SLC7A13: variants seen among roughly 807,000 people sequenced by gnomAD.
SLC7A13 encodes the protein X-amino acid transporter 2.
In SLC7A13, 31 loss-of-function variants were observed where a neutral mutation model predicts 32.0. The ratio of observed to expected loss-of-function variants is 0.97; its 90% CI spans 0.73 to 1.31. SLC7A13 has a LOEUF of 1.31. Among genes scored for constraint, SLC7A13 ranks in the 50% most tolerant of loss-of-function variants. The pLI is 0.00. For synonymous variants in SLC7A13, 232 were observed against 206.9 expected, an observed-to-expected ratio of 1.12 and a Z score of -1.04; for missense variants, 633 against 546.9, an observed-to-expected ratio of 1.16 and a Z score of -1.57.
chr8:86,217,811 C>A lies in SLC7A13; in HGVS notation c.838G>T (p.Ala280Ser), dbSNP rs1820217395. 1 of 1,575,290 alleles carries A rather than the reference C, an allele frequency of 6.3e-7. No individual in the cohort carries two copies. The highest frequency in any genetic ancestry group is 1.9e-5 in the Admixed American group (1 of 51,428). The change falls in exon 3 of 4, where the codon GCT (alanine) becomes TCT (serine). Residue 280 changes from alanine (A) to serine (S), a missense_variant. Coordinates refer to ENST00000297524, the MANE Select transcript of SLC7A13 (RefSeq NM_138817.3). Reference sequence around the variant, plus strand: ...GCTAATGAGGGAAAAGCTCGATCAGCCCATGTGATAGCTACAGCATCTGCA... The same window carrying A: ...GCTAATGAGGGAAAAGCTCGATCAGACCATGTGATAGCTACAGCATCTGCA... ...LSSDAVAITW[A>S]DRAFPSLAWI...
rs774895532 is a variant in SLC7A13 at position 86,217,578 on chromosome 8, A to G, written c.1071T>C (p.Ile357=). The G allele has an allele frequency of 5.0e-6, 8 of 1,613,320 alleles. No homozygotes were observed. In the South Asian group the frequency reaches 7.7e-5, roughly 16 times the overall value. Reference sequence around the variant, plus strand: ...TGAAAAAAATATAGTTTATCAAATCAATTAGACTTGTTAAGATAATTGCAA... The same window carrying G: ...TGAAAAAAATATAGTTTATCAAATCGATTAGACTTGTTAAGATAATTGCAA... The part of the protein sequence containing the change: ...GSLAIILTSL[I]DLINYIFFTG... Residue 357 remains isoleucine (I), a synonymous_variant, in exon 3 of 4, where the codon ATT becomes ATC. Transcript: ENST00000297524.
chr8:86,228,372 G>T lies in SLC7A13; in HGVS notation c.685+1221C>A, dbSNP rs115781866. 1.1e-3 allele frequency among the ~76,000 whole-genome samples: 162 copies of T among 152,196 alleles called. 1 individual carries two copies. Among genetic ancestry groups the T allele is most frequent in the African/African-American group, 3.7e-3 (153 of 41,522 alleles). On this transcript the variant is annotated intron_variant, in intron 1 of 3. Transcript: ENST00000297524. ...CTTCGCATTGTTGGCTAATTTATTA[G>T]TTATTTATTTTTCTTGTTTTGAGAC...
At chr8:86,226,501 C>T (rs1820390502) in intron 1 of SLC7A13, among the ~76,000 whole-genome samples, 1 of 152,160 alleles carries the variant, frequency 6.6e-6, no homozygotes, top group South Asian at 2.1e-4. Flanking sequence ...TTATTCCCCA[C>T]TTTTTGAAAC....
At chr8:86,225,912 T>C (rs1054686641) in intron 1 of SLC7A13, among the ~76,000 whole-genome samples, 3 of 152,054 alleles carry the variant, frequency 2.0e-5, no homozygotes, top group Non-Finnish European at 4.4e-5. Flanking sequence ...GCCTGGGTGA[T>C]AAAAAATAGA....
intron 3 of SLC7A13, among the ~76,000 whole-genome samples, chr8:86,217,183 G>T (rs1820197556): frequency 6.6e-6 from 1 of 152,088 alleles, no homozygotes; most frequent in Admixed American, 6.6e-5. Context: ...AGTTACATAA[G>T]TAGACAAAAT....
At chr8:86,216,464 A>G (rs1014639663) in intron 3 of SLC7A13, among the ~76,000 whole-genome samples, 1 of 152,200 alleles carries the variant, frequency 6.6e-6, no homozygotes, top group Admixed American at 6.5e-5. Flanking sequence ...TTTTCTACTG[A>G]AAGTACCTAG....
chr8:86,229,027 T>G (rs1820438991), intron 1 of SLC7A13, among the ~76,000 whole-genome samples: 1 of 152,138 alleles, frequency 6.6e-6, no homozygotes, highest in African/African-American at 2.4e-5. Context: ...GGGTGACTGC[T>G]TTTATAATGC....
intron 2 of SLC7A13, among the ~76,000 whole-genome samples, chr8:86,222,675 T>G (rs949255175): frequency 1.3e-5 from 2 of 152,146 alleles, no homozygotes; most frequent in Non-Finnish European, 2.9e-5. Flanking sequence ...GATTACTCAG[T>G]GTCACTCTAG....
Position 86,214,527 on chromosome 8 carries a change from T to C in SLC7A13, c.1299A>G (p.Leu433=). Residue 433 remains leucine (L), a synonymous_variant, in exon 4 of 4, where the codon TTA becomes TTG. Coordinates refer to ENST00000297524, the MANE Select transcript of SLC7A13 (RefSeq NM_138817.3). ...AATGTATTAAAGGTATGTAAAATAG[T>C]AATCCGCTGAGAACTAACAGAAGCA... ...VYVLLLVLSG[L]LFYIPLIHFK... 1 of 1,613,088 alleles carries C rather than the reference T, an allele frequency of 6.2e-7. No individual in the cohort carries two copies. Among genetic ancestry groups the C allele is most frequent in the Non-Finnish European group, 8.5e-7 (1 of 1,179,384 alleles).
intron 1 of SLC7A13, among the ~76,000 whole-genome samples, chr8:86,224,326 C>A (rs910787204): frequency 6.6e-6 from 1 of 152,064 alleles, no homozygotes; most frequent in Non-Finnish European, 1.5e-5. Context: ...GCCTAGTTGA[C>A]CCTACCCTTC....
chr8:86,225,779 A>T (rs969077804), intron 1 of SLC7A13, among the ~76,000 whole-genome samples: 17 of 151,982 alleles, frequency 1.1e-4, no homozygotes, highest in African/African-American at 4.1e-4. Flanking sequence ...CACACAAAAA[A>T]ACTTAGCTGG....
At chr8:86,228,252 G>T (rs1467117112) in intron 1 of SLC7A13, among the ~76,000 whole-genome samples, 1 of 152,202 alleles carries the variant, frequency 6.6e-6, no homozygotes, top group Admixed American at 6.5e-5. Context: ...AACTGCTGGA[G>T]AATTTCCTGT....
intron 3 of SLC7A13, among the ~76,000 whole-genome samples, chr8:86,215,957 C>G (rs1366855068): frequency 1.3e-5 from 2 of 152,070 alleles, no homozygotes; most frequent in Admixed American, 6.6e-5. Context: ...CATGCCTTAG[C>G]TTACTTAATA....
At chr8:86,223,880 T>C (rs1820346278) in intron 1 of SLC7A13, among the ~76,000 whole-genome samples, 1 of 152,046 alleles carries the variant, frequency 6.6e-6, no homozygotes, top group Non-Finnish European at 1.5e-5. Context: ...ATATGAAATA[T>C]GCTTCATTTT....
intron 2 of SLC7A13, among the ~76,000 whole-genome samples, chr8:86,218,926 A>G (rs1031672677): frequency 6.6e-6 from 1 of 152,170 alleles, no homozygotes; most frequent in African/African-American, 2.4e-5. Context: ...GTTTGTTTCC[A>G]GGGGTACTTT....
At chr8:86,227,168 G>T (rs968368739) in intron 1 of SLC7A13, among the ~76,000 whole-genome samples, 1 of 152,096 alleles carries the variant, frequency 6.6e-6, no homozygotes, top group African/African-American at 2.4e-5. Context: ...CCAGTACAGG[G>T]TTTTAAAAAT....
At chr8:86,225,457 G>A (rs1330483559) in intron 1 of SLC7A13, among the ~76,000 whole-genome samples, 2 of 152,048 alleles carry the variant, frequency 1.3e-5, no homozygotes, top group African/African-American at 2.4e-5. Context: ...AAAGCTTTGG[G>A]ACAAACAAAA....
At chr8:86,225,568 A>G (rs1351910989) in intron 1 of SLC7A13, among the ~76,000 whole-genome samples, 2 of 152,172 alleles carry the variant, frequency 1.3e-5, no homozygotes, top group Admixed American at 1.3e-4. Flanking sequence ...AATTTAATTT[A>G]TAATAAAAAG....
At chr8:86,222,912 T>C (rs1335259524) in intron 2 of SLC7A13, 60 bp downstream of exon 2, 2 of 1,454,206 alleles carry the variant, frequency 1.4e-6, no homozygotes, top group Non-Finnish European at 1.8e-6. Context: ...ACTGGTGAAA[T>C]GATAGTTACG....
Sources: gnomAD v4.1 joint callset for allele counts (sites outside exome capture counted in the v4.1 genomes callset) on GRCh38, gnomAD v4.1.1 for gene constraint, MANE v1.5 for transcripts, NCBI Gene and HGNC (gene_info 2026-07-23, HGNC 2026-07-21) for gene names.